Variants in ADAM12 observed in about 807,000 individuals in gnomAD.
ADAM12 encodes ADAM metallopeptidase domain 12, also known as disintegrin and metalloproteinase domain-containing protein 12.
In ADAM12, 70 loss-of-function variants were observed where a neutral mutation model predicts 106.4. The observed-to-expected ratio is 0.66, with a 90% CI of 0.54 to 0.80. The LOEUF (loss-of-function observed/expected upper bound fraction) is 0.80. Ranked by LOEUF, ADAM12 falls within the 30% of genes least tolerant of loss-of-function variation. ADAM12 has a pLI of 0.00. For synonymous variants in ADAM12, 420 were observed against 433.5 expected (o/e 0.97, Z 0.39); for missense variants, 1,010 against 1,171.9 (o/e 0.86, Z 2.02).
chr10:126,110,369 T>C (rs1408783267), intron 6 of ADAM12, among the ~76,000 whole-genome samples: 1 of 152,126 alleles, frequency 6.6e-6, no homozygotes, highest in Non-Finnish European at 1.5e-5. Flanking sequence ...TGTATAATCA[T>C]TTTTTAAATG....
Position 126,014,543 on chromosome 10 carries a change from G to A in ADAM12, c.*2736C>T, listed in dbSNP as rs760541581. 5 of 151,694 alleles carry A rather than the reference G, an allele frequency of 3.3e-5. No homozygotes were observed. Among genetic ancestry groups the A allele is most frequent in the Admixed American group, 6.6e-5 (1 of 15,200 alleles). 9.4% of individuals were successfully genotyped at this position (151,694 alleles called of 1,614,324 possible). ...GCTGGAAAAATCCACGCTGTGAAATGTAACCTCCTGTGTGTATTTCCACAA... is the reference window on the plus strand; with the variant it reads ...GCTGGAAAAATCCACGCTGTGAAATATAACCTCCTGTGTGTATTTCCACAA... On this transcript the variant is annotated 3_prime_UTR_variant, in exon 23 of 23. Coordinates refer to ENST00000448723, the MANE Select transcript of ADAM12 (RefSeq NM_001288973.2).
At chr10:126,131,526 G>A (rs988440971) in intron 5 of ADAM12, among the ~76,000 whole-genome samples, 1 of 152,176 alleles carries the variant, frequency 6.6e-6, no homozygotes, top group Non-Finnish European at 1.5e-5. Flanking sequence ...GCCTTTGGGA[G>A]CTGATCAGGC....
At chr10:126,099,158 G>C (rs772641507) in intron 9 of ADAM12, among the ~76,000 whole-genome samples, 31 of 152,162 alleles carry the variant, frequency 2.0e-4, no homozygotes, top group Non-Finnish European at 3.4e-4. Context: ...CCAAGGGCCT[G>C]TTGAACACAA....
chr10:126,148,953 T>G (rs149604849), intron 4 of ADAM12, among the ~76,000 whole-genome samples: 1,608 of 152,202 alleles, frequency 0.011, 9 homozygotes, highest in Middle Eastern at 0.024. Context: ...GAGGGGCAAG[T>G]CTCACCCACT....
rs748988456 is a variant in ADAM12, at chr10:126,108,671, A to G, written c.670-7T>C. ...CTTTTCCTTGCCTCTGAAACTTAAC[A>G]ATTTTAAATGGCAGCATTAATACCA... is the stretch of plus-strand genomic sequence containing the variant. On this transcript the variant is annotated splice_region_variant and splice_polypyrimidine_tract_variant and intron_variant, in intron 7 of 22. Coordinates refer to ENST00000448723, the MANE Select transcript of ADAM12 (RefSeq NM_001288973.2). The G allele has an allele frequency of 9.2e-5, 149 of 1,611,480 alleles. No homozygotes were observed. Among genetic ancestry groups the G allele is most frequent in the Admixed American group, 2.2e-4 (13 of 59,998 alleles).
intron 2 of ADAM12, among the ~76,000 whole-genome samples, chr10:126,318,297 C>A (rs1378255679): frequency 1.3e-5 from 2 of 152,030 alleles, no homozygotes; most frequent in Non-Finnish European, 2.9e-5. Context: ...AACTCACACA[C>A]TAATGTACAC....
intron 3 of ADAM12, among the ~76,000 whole-genome samples, chr10:126,160,275 T>C (rs1456254436): frequency 6.6e-6 from 1 of 152,170 alleles, no homozygotes; most frequent in Non-Finnish European, 1.5e-5. Flanking sequence ...GTTTATTAGC[T>C]AGATTCAACT....
At chr10:126,230,896 GT>G (rs1268823219) in intron 3 of ADAM12, among the ~76,000 whole-genome samples, 12 of 152,160 alleles carry the variant, frequency 7.9e-5, no homozygotes, top group Non-Finnish European at 8.8e-5. Context: ...ATCCCTTAGA[GT>G]TTTTTCCCTT....
chr10:126,046,598 A>G (rs1408959904), intron 16 of ADAM12, among the ~76,000 whole-genome samples: 1 of 151,868 alleles, frequency 6.6e-6, no homozygotes, highest in African/African-American at 2.4e-5. Flanking sequence ...AGGTCAGGAG[A>G]TCGAGACTCT....
intron 5 of ADAM12, among the ~76,000 whole-genome samples, chr10:126,126,036 G>GA (rs973025557): frequency 3.9e-5 from 6 of 152,148 alleles, no homozygotes; most frequent in Non-Finnish European, 5.9e-5. Flanking sequence ...CTTCTGGCCT[G>GA]AAAAGCAGTG....
In ADAM12 at chr10:126,049,232, A is replaced by G. The variant is rs1380484706; in HGVS notation, c.1917+21T>C. On this transcript the variant is annotated intron_variant, in intron 16 of 22. Transcript: ENST00000448723. This position sits in a 1 kb window ranked among gnomAD's most constrained non-coding sequence, Gnocchi z 4.4. ...TGTTCCAGACTTACATTTATGATCC[A>G]AGCAAACATTTGGGTCTTACTTTTC... is the stretch of plus-strand genomic sequence containing the variant. The G allele has an allele frequency of 1.6e-5, 26 of 1,613,166 alleles. No individual in the cohort carries two copies. Among genetic ancestry groups the G allele is most frequent in the Non-Finnish European group, 2.1e-5 (25 of 1,179,856 alleles).
chr10:126,101,073 T>C lies in ADAM12; in HGVS notation c.910A>G (p.Ser304Gly), dbSNP rs1375739271. Residue 304 changes from serine to glycine, a missense_variant and splice_region_variant, in exon 9 of 23, where the codon AGT becomes GGT. Ser to Gly is a moderately conservative substitution (Grantham distance 56). This residue lies in a region of ADAM12 where 391 missense variants were observed against 442.9 expected (regional missense o/e 0.88). Transcript: ENST00000448723. Reference sequence around the variant, plus strand: ...AGCAGACAAGACGTAACTCCCTACCTGACAAGCTGCGCATTGTCATGGGAT... The same window carrying C: ...AGCAGACAAGACGTAACTCCCTACCCGACAAGCTGCGCATTGTCATGGGAT... ...RKSHDNAQLV[S>G]GVYFQGTTIG... 1 of 1,613,758 alleles carries C rather than the reference T, an allele frequency of 6.2e-7. No homozygotes were observed. The highest frequency in any genetic ancestry group is 8.5e-7 in the Non-Finnish European group (1 of 1,179,800).
chr10:126,251,898 G>C (rs1035220819), intron 3 of ADAM12, among the ~76,000 whole-genome samples: 1 of 102,114 alleles, frequency 9.8e-6, no homozygotes, highest in African/African-American at 4.1e-5. Flanking sequence ...GGATGGATGG[G>C]ATGGATAGGA....
intron 4 of ADAM12, among the ~76,000 whole-genome samples, chr10:126,142,357 C>T (rs1433136912): frequency 1.3e-5 from 2 of 152,196 alleles, no homozygotes; most frequent in African/African-American, 4.8e-5. Context: ...TGTAGATTAA[C>T]TAAAAGTATT....
intron 3 of ADAM12, among the ~76,000 whole-genome samples, chr10:126,173,216 T>C (rs1381363423): frequency 1.3e-5 from 2 of 152,296 alleles, no homozygotes; most frequent in East Asian, 3.9e-4. Flanking sequence ...GTAACGAACC[T>C]GCACGTTCTG....
At chr10:126,197,016 T>A (rs1482179911) in intron 3 of ADAM12, among the ~76,000 whole-genome samples, 2 of 152,046 alleles carry the variant, frequency 1.3e-5, no homozygotes, top group East Asian at 3.9e-4. Flanking sequence ...ATTTGACCCA[T>A]CATTTTGGGT....
intron 2 of ADAM12, among the ~76,000 whole-genome samples, chr10:126,310,823 C>G (rs1961050439): frequency 6.6e-6 from 1 of 152,052 alleles, no homozygotes; most frequent in African/African-American, 2.4e-5. Context: ...TTAACATAGT[C>G]TCATAGCTGT....
chr10:126,185,720 A>C (rs1957388809), intron 3 of ADAM12, among the ~76,000 whole-genome samples: 1 of 152,054 alleles, frequency 6.6e-6, no homozygotes, highest in South Asian at 2.1e-4. Context: ...TGAGTGAGAA[A>C]GAGCAGACCA....
intron 13 of ADAM12, among the ~76,000 whole-genome samples, chr10:126,065,302 A>G (rs1313224380): frequency 6.6e-6 from 1 of 152,192 alleles, no homozygotes; most frequent in African/African-American, 2.4e-5. Flanking sequence ...CCTCAGAGGA[A>G]GAAGAAGGAG....
Sources: allele counts gnomAD v4.1 joint callset (sites outside exome capture counted in the v4.1 genomes callset), GRCh38; gene constraint gnomAD v4.1.1; regional missense constraint gnomAD v4.1.1; non-coding constraint Gnocchi (gnomAD v3.1); transcripts MANE v1.5; gene names NCBI Gene and HGNC (gene_info 2026-07-23, HGNC 2026-07-21).